The following SYN2 variants were observed in gnomAD, a reference collection of about 807,000 sequenced individuals.
SYN2 encodes the protein synapsin-2.
In SYN2, 19 loss-of-function variants were observed where a neutral mutation model predicts 50.9. The observed-to-expected ratio is 0.37, with a 90% CI of 0.26 to 0.55. The LOEUF is 0.55. Among genes scored for constraint, SYN2 ranks in the 20% least tolerant of loss-of-function variants. The pLI, the probability that SYN2 is intolerant of heterozygous loss-of-function variation, is 0.81. For synonymous variants in SYN2, 255 were observed against 224.9 expected, an observed-to-expected ratio of 1.13 and a Z score of -1.20; for missense variants, 587 against 576.4, an observed-to-expected ratio of 1.02 and a Z score of -0.19.
chr3:12,115,817 A>G (rs1270204768), intron 1 of SYN2, among the ~76,000 whole-genome samples: 1 of 152,190 alleles, frequency 6.6e-6, no homozygotes, highest in Non-Finnish European at 1.5e-5. Flanking sequence ...TATAGTAGGC[A>G]TTCTGTGAAC....
chr3:12,115,321 T>C (rs1696408578), intron 1 of SYN2, among the ~76,000 whole-genome samples: 1 of 152,174 alleles, frequency 6.6e-6, no homozygotes. Flanking sequence ...ATTTCATCAC[T>C]CAGATTCTGC....
chr3:12,184,458 T>C (rs1698297515), intron 11 of SYN2: 1 of 985,772 alleles, frequency 1.0e-6, no homozygotes, highest in Non-Finnish European at 1.2e-6. Context: ...TCCATTCTGC[T>C]CTTGGCCTCT....
chr3:12,059,980 CT>C (rs1695078945), intron 1 of SYN2, among the ~76,000 whole-genome samples: 1 of 152,182 alleles, frequency 6.6e-6, no homozygotes, highest in Non-Finnish European at 1.5e-5. Context: ...AAAATCAGAA[CT>C]TTTCTTGCAT....
chr3:12,017,454 A>C (rs1193597718), intron 1 of SYN2, among the ~76,000 whole-genome samples: 1 of 152,154 alleles, frequency 6.6e-6, no homozygotes, highest in African/African-American at 2.4e-5. Context: ...CCTAACCATC[A>C]TGCTCTGTGA....
intron 1 of SYN2, among the ~76,000 whole-genome samples, chr3:12,099,920 G>A (rs192170728): frequency 1.2e-4 from 16 of 133,034 alleles, no homozygotes; most frequent in African/African-American, 2.3e-4. Flanking sequence ...AGCCGAGATC[G>A]CACCACTGCA....
intron 1 of SYN2, chr3:12,071,726 T>C (rs1695358581): frequency 1.1e-5 from 2 of 185,210 alleles, no homozygotes; most frequent in African/African-American, 4.7e-5. Flanking sequence ...TGCAGGGTAT[T>C]ACTGTGTCAG....
intron 1 of SYN2, among the ~76,000 whole-genome samples, chr3:12,094,389 TA>T (rs1229558447): frequency 1.1e-4 from 17 of 152,310 alleles, no homozygotes; most frequent in African/African-American, 3.9e-4. Flanking sequence ...CTGTGATATG[TA>T]CCTTATATTT....
At chr3:12,038,210 A>G (rs552307889) in intron 1 of SYN2, among the ~76,000 whole-genome samples, 1 of 152,132 alleles carries the variant, frequency 6.6e-6, no homozygotes, top group Non-Finnish European at 1.5e-5. Flanking sequence ...TCAACTCACC[A>G]TAGAATTGTG....
At chr3:12,185,392 A>G in intron 11 of SYN2, 1 of 985,794 alleles carries the variant, frequency 1.0e-6, no homozygotes, top group Non-Finnish European at 1.2e-6. Context: ...ATTTGAATTC[A>G]GTCAGGCTAC....
At chr3:12,015,840 T>C (rs1694019339) in intron 1 of SYN2, among the ~76,000 whole-genome samples, 1 of 152,222 alleles carries the variant, frequency 6.6e-6, no homozygotes, top group African/African-American at 2.4e-5. Context: ...TTTTCTTCTT[T>C]CTATCTAGGA....
chr3:12,092,511 AAG>A (rs1212085718), intron 1 of SYN2, among the ~76,000 whole-genome samples: 3 of 152,194 alleles, frequency 2.0e-5, no homozygotes, highest in African/African-American at 7.2e-5. Flanking sequence ...AATGGCTTTG[AAG>A]AGAGTAAAAT....
chr3:12,050,646 G>T (rs1054820433), intron 1 of SYN2, among the ~76,000 whole-genome samples: 4 of 135,766 alleles, frequency 2.9e-5, no homozygotes, highest in African/African-American at 1.1e-4. Flanking sequence ...GCCTAGCCTG[G>T]AGTGATTTTT....
At chr3:12,091,437 T>G (rs991043470) in intron 1 of SYN2, among the ~76,000 whole-genome samples, 1 of 152,138 alleles carries the variant, frequency 6.6e-6, no homozygotes, top group South Asian at 2.1e-4. Flanking sequence ...ATTAATCAGC[T>G]ATGGAGAGAT....
intron 1 of SYN2, among the ~76,000 whole-genome samples, chr3:12,051,979 C>T (rs1333388546): frequency 6.6e-6 from 1 of 152,106 alleles, no homozygotes; most frequent in Non-Finnish European, 1.5e-5. Flanking sequence ...TGCTGGTTTT[C>T]TTTTTCATTC....
intron 1 of SYN2, among the ~76,000 whole-genome samples, chr3:12,056,314 T>A (rs1487795726): frequency 6.6e-6 from 1 of 152,046 alleles, no homozygotes. Context: ...GACTGGGTAT[T>A]GAAGTTGCTC....
intron 1 of SYN2, among the ~76,000 whole-genome samples, chr3:12,085,902 G>A (rs974877210): frequency 2.0e-5 from 3 of 151,920 alleles, no homozygotes; most frequent in African/African-American, 7.3e-5. Flanking sequence ...AAAAATCAGA[G>A]CAGAAATAGA....
In SYN2 at chr3:12,093,709, G is replaced by A. The variant is rs536952341; in HGVS notation, c.378-46942G>A. On this transcript the variant is annotated intron_variant, in intron 1 of 12. Transcript: ENST00000621198. ...ATGTTATTTTCCTTTCCACATTAGC[G>A]TCTTTTTTCTAGGTGTCCTGCTGTT... Among the ~76,000 whole-genome samples the A allele has an allele frequency of 1.1e-3, 169 of 152,134 alleles. 1 individual carries two copies. The highest frequency in any genetic ancestry group is 1.6e-3 in the Non-Finnish European group (112 of 67,994).
intron 1 of SYN2, among the ~76,000 whole-genome samples, chr3:12,025,180 CTCTCT>C (rs1694229817): frequency 1.3e-5 from 2 of 151,928 alleles, no homozygotes; most frequent in East Asian, 3.9e-4. Context: ...GGGGGAGGGG[CTCTCT>C]TCTCTTGACT....
At chr3:12,183,803 CA>C in intron 11 of SYN2, 1 of 1,035,946 alleles carries the variant, frequency 9.7e-7, no homozygotes, top group Non-Finnish European at 1.2e-6. Flanking sequence ...GGGGGGTGGA[CA>C]GGGGAGAAAC....
Sources: allele counts gnomAD v4.1 joint callset (sites outside exome capture counted in the v4.1 genomes callset), GRCh38; gene constraint gnomAD v4.1.1; transcripts MANE v1.5; gene names NCBI Gene and HGNC (gene_info 2026-07-23, HGNC 2026-07-21).